ZNF566: variants seen among roughly 807,000 people sequenced by gnomAD.
The protein encoded by ZNF566 is zinc finger protein 566.
In ZNF566, 27 loss-of-function variants were observed where a neutral mutation model predicts 32.8. The ratio of observed to expected loss-of-function variants is 0.82; its 90% confidence interval spans 0.61 to 1.14. The LOEUF (loss-of-function observed/expected upper bound fraction) is 1.14, where lower values mean the gene tolerates loss of function less well. ZNF566 is among the 50% of genes most tolerant of loss of function. The probability of loss-of-function intolerance (pLI) is 0.00; values close to 1 mark genes in which losing one functional copy is unlikely to be tolerated. For missense variants in ZNF566, 402 were observed against 490.4 expected (o/e 0.82, Z 1.70); for synonymous variants, 154 against 159.5 (o/e 0.97, Z 0.26).
chr19:36,463,537 C>CTTTT (rs56787323), intron 4 of ZNF566, among the ~76,000 whole-genome samples: 44 of 106,280 alleles, frequency 4.1e-4, no homozygotes, highest in East Asian at 8.3e-4. Flanking sequence ...AATGTAATTT[C>CTTTT]TTTTTTTTTT....
At chr19:36,485,685 C>T (rs983060475) in intron 1 of ZNF566, among the ~76,000 whole-genome samples, 2 of 151,200 alleles carry the variant, frequency 1.3e-5, no homozygotes, top group Non-Finnish European at 2.9e-5. Context: ...TCGCTTGAAC[C>T]CAGGAGGCAG....
At position 36,465,706 on chromosome 19, in the gene ZNF566, C is replaced by T. The variant is rs559400556; in HGVS notation, c.232+7205G>A. 3.3e-5 allele frequency among the ~76,000 whole-genome samples: 5 copies of T among 151,964 alleles called. No individual in the cohort carries two copies. In the South Asian group the frequency reaches 8.3e-4, roughly 25 times the overall value. On this transcript the variant is annotated intron_variant, in intron 4 of 4. Transcript: ENST00000452939. The stretch of plus-strand genomic sequence containing the variant: ...GCCAGGATGGTCTCGATCTCCTGAC[C>T]GCGTGATCCACCCACCTCGGCCTCC...
chr19:36,456,327 G>A (rs2033309396), intron 4 of ZNF566: 1 of 148,956 alleles, frequency 6.7e-6, no homozygotes, highest in Non-Finnish European at 1.5e-5. Context: ...CCTGAGCTCA[G>A]GAGTTCAAGA....
rs1600127313 is a variant in ZNF566, at chr19:36,446,352, A to C, written c.*2625T>G. 1 of 150,842 alleles carries C rather than the reference A, an allele frequency of 6.6e-6. No individual in the cohort carries two copies. The highest frequency in any genetic ancestry group is 1.5e-5 in the Non-Finnish European group (1 of 67,884). 9.3% of individuals were successfully genotyped at this position (150,842 alleles called of 1,614,324 possible). A position where few individuals can be genotyped will look rare whatever the true frequency, so the allele number is the denominator to read the frequency against. On this transcript the variant is annotated 3_prime_UTR_variant, in exon 5 of 5. Coordinates refer to ENST00000452939, the MANE Select transcript of ZNF566 (RefSeq NM_001145344.1). ...GCAGTCAGGATCTCAGCTCACTGCA[A>C]CCTCCGCCTCCCGGGTTCAAGCGAT...
At chr19:36,472,473 A>C (rs886479322) in intron 4 of ZNF566, among the ~76,000 whole-genome samples, 1 of 152,202 alleles carries the variant, frequency 6.6e-6, no homozygotes, top group Non-Finnish European at 1.5e-5. Flanking sequence ...AAATCAGTAA[A>C]TGTTGGTAAA....
rs1055847191 is a variant in ZNF566, at chr19:36,448,782, G to A, written c.*195C>T. ...TTATCTGATGTCAAGAGAAGTAAGC[G>A]TTTAGTTAAGGGCTTCCAAAGTATA... On this transcript the variant is annotated 3_prime_UTR_variant, in exon 5 of 5. Transcript: ENST00000452939. 1.3e-4 allele frequency: 60 copies of A among 473,098 alleles called. No individual in the cohort carries two copies. In the Admixed American group the frequency reaches 1.7e-3, roughly 14 times the overall value. The allele number at this position is 473,098 out of a possible 1,614,324, so 29.3% of individuals were successfully genotyped here. A position where few individuals can be genotyped will look rare whatever the true frequency, so the allele number is the denominator to read the frequency against.
intron 4 of ZNF566, among the ~76,000 whole-genome samples, chr19:36,464,515 CAATT>C (rs141383572): frequency 0.031 from 4,719 of 152,202 alleles, 99 homozygotes; most frequent in Admixed American, 0.044. Flanking sequence ...TCATAAAAAT[CAATT>C]AAAGTTGCAT....
rs542692101 is a variant in ZNF566, at chr19:36,465,595, C to CCGAG, written c.232+7312_232+7315dup. ...CATGTCATTCTCCTGCCTCAGCCTCCCGAGTACCTGGGACTACAGGTGCCC... is the reference window on the plus strand; with the variant it reads ...CATGTCATTCTCCTGCCTCAGCCTCCCGAGCGAGTACCTGGGACTACAGGTGCCC... On this transcript the variant is annotated intron_variant, in intron 4 of 4. Transcript: ENST00000452939. Among the ~76,000 whole-genome samples, 14 of 152,128 alleles carry CCGAG rather than the reference C, an allele frequency of 9.2e-5. No individual in the cohort carries two copies. The South Asian group carries it at 2.9e-3, about 32-fold the overall frequency.
At chr19:36,469,152 C>T (rs2033698929) in intron 4 of ZNF566, among the ~76,000 whole-genome samples, 1 of 151,718 alleles carries the variant, frequency 6.6e-6, no homozygotes, top group African/African-American at 2.4e-5. Flanking sequence ...TATAACTTTG[C>T]ATTAAGGTTA....
At chr19:36,468,523 T>C (rs1485396353) in intron 4 of ZNF566, among the ~76,000 whole-genome samples, 2 of 151,606 alleles carry the variant, frequency 1.3e-5, no homozygotes, top group Non-Finnish European at 2.9e-5. Context: ...TGAGAATCAC[T>C]TGAATCTTGG....
rs745825119 is a variant in ZNF566, at chr19:36,448,971, G to C, written c.*6C>G. The C allele has an allele frequency of 1.0e-5, 16 of 1,561,040 alleles. No individual in the cohort carries two copies. The highest frequency in any genetic ancestry group is 2.2e-5 in the East Asian group (1 of 44,574). ...CCTCCCTACACATTTCATATATTCT[G>C]TTTCATCACCAGTACAAATTTTGAT... On this transcript the variant is annotated 3_prime_UTR_variant, in exon 5 of 5. Coordinates refer to ENST00000452939, the MANE Select transcript of ZNF566 (RefSeq NM_001145344.1).
intron 1 of ZNF566, among the ~76,000 whole-genome samples, chr19:36,486,460 T>A (rs1031887997): frequency 2.6e-5 from 4 of 151,928 alleles, no homozygotes; most frequent in Admixed American, 6.6e-5. Context: ...TCACCTGAGA[T>A]CAGGAGTTTG....
intron 4 of ZNF566, among the ~76,000 whole-genome samples, chr19:36,453,509 T>TA (rs1568510984): frequency 0.063 from 6,062 of 96,914 alleles, 214 homozygotes; most frequent in Admixed American, 0.15. Context: ...ATAAATAAAT[T>TA]AATTAATTAA....
intron 4 of ZNF566, among the ~76,000 whole-genome samples, chr19:36,466,510 G>A (rs1257184734): frequency 6.6e-6 from 1 of 152,158 alleles, no homozygotes; most frequent in African/African-American, 2.4e-5. Flanking sequence ...AATACGAAGG[G>A]CTGACTATAC....
intron 4 of ZNF566, among the ~76,000 whole-genome samples, chr19:36,452,194 A>G (rs904385261): frequency 6.6e-6 from 1 of 152,158 alleles, no homozygotes; most frequent in Non-Finnish European, 1.5e-5. Flanking sequence ...ATATACATGT[A>G]ATACAAATAA....
chr19:36,458,501 C>T (rs754728547), intron 4 of ZNF566, among the ~76,000 whole-genome samples: 5 of 151,790 alleles, frequency 3.3e-5, no homozygotes, highest in South Asian at 2.1e-4. Flanking sequence ...GGTTGGGGGA[C>T]GGAGGAAAGA....
At chr19:36,463,597 C>T (rs1057330580) in intron 4 of ZNF566, among the ~76,000 whole-genome samples, 1 of 132,012 alleles carries the variant, frequency 7.6e-6, no homozygotes, top group African/African-American at 2.8e-5. Flanking sequence ...GGCTATAGTA[C>T]AGTAGTACCA....
intron 1 of ZNF566, among the ~76,000 whole-genome samples, chr19:36,484,040 T>C (rs2034098021): frequency 6.6e-6 from 1 of 152,146 alleles, no homozygotes. Context: ...ACCTGGCTAA[T>C]TTTTTGTATT....
At chr19:36,484,032 C>G (rs112934813) in intron 1 of ZNF566, among the ~76,000 whole-genome samples, 24,818 of 152,150 alleles carry the variant, frequency 0.16, 2,481 homozygotes, top group Non-Finnish European at 0.23. Flanking sequence ...TCCACCACAC[C>G]TGGCTAATTT....
Sources: allele counts gnomAD v4.1 joint callset (sites outside exome capture counted in the v4.1 genomes callset), GRCh38; gene constraint gnomAD v4.1.1; transcripts MANE v1.5; gene names NCBI Gene and HGNC (gene_info 2026-07-23, HGNC 2026-07-21).